Variants in RBFOX1 observed in about 807,000 individuals in gnomAD.
RBFOX1 encodes RNA binding protein fox-1 homolog 1.
RBFOX1 carries 8 observed loss-of-function variants against 57.7 expected under a neutral mutation model. The observed-to-expected ratio is 0.14, with a 90% CI of 0.08 to 0.25. The LOEUF (loss-of-function observed/expected upper bound fraction) is 0.25, where lower values mean the gene tolerates loss of function less well. Among genes scored for constraint, RBFOX1 ranks in the 10% least tolerant of loss-of-function variants. The pLI is 1.00. For missense variants in RBFOX1, 611 were observed against 548.5 expected, an observed-to-expected ratio of 1.11 and a Z score of -1.14; for synonymous variants, 326 against 222.4, an observed-to-expected ratio of 1.47 and a Z score of -4.15.
chr16:5,462,975 T>C (rs1412691184), intron 1 of RBFOX1, among the ~76,000 whole-genome samples: 4 of 152,248 alleles, frequency 2.6e-5, no homozygotes, highest in African/African-American at 9.6e-5. Flanking sequence ...TCATACTAAA[T>C]TGATACATTT....
intron 4 of RBFOX1, among the ~76,000 whole-genome samples, chr16:7,079,145 G>T (rs1036311564): frequency 2.0e-5 from 3 of 152,112 alleles, no homozygotes; most frequent in Middle Eastern, 3.4e-3. Context: ...ATTGTCTGTT[G>T]CTGTAGGATT....
intron 1 of RBFOX1, among the ~76,000 whole-genome samples, chr16:6,076,060 A>C (rs2095894873): frequency 6.6e-6 from 1 of 152,120 alleles, no homozygotes; most frequent in Non-Finnish European, 1.5e-5. Flanking sequence ...GCACTTTGGG[A>C]GGCTGAGGAG....
At chr16:6,006,730 A>C (rs778195261) in intron 4 of RBFOX1, among the ~76,000 whole-genome samples, 4 of 152,194 alleles carry the variant, frequency 2.6e-5, no homozygotes, top group Admixed American at 6.5e-5. Flanking sequence ...GGATATGTGG[A>C]GAGTGGGTTT....
intron 1 of RBFOX1, among the ~76,000 whole-genome samples, chr16:5,386,560 C>G (rs993679750): frequency 6.6e-6 from 1 of 152,172 alleles, no homozygotes; most frequent in Non-Finnish European, 1.5e-5. Flanking sequence ...AACTCACTGG[C>G]CATCTCACTG....
intron 2 of RBFOX1, among the ~76,000 whole-genome samples, chr16:6,638,908 A>G (rs1292606164): frequency 1.3e-5 from 2 of 152,288 alleles, no homozygotes; most frequent in East Asian, 3.9e-4. Context: ...ACCAGTATTC[A>G]TTTTCTACCA....
chr16:7,032,812 C>T (rs971461051), intron 3 of RBFOX1, among the ~76,000 whole-genome samples: 16 of 152,242 alleles, frequency 1.1e-4, no homozygotes, highest in Admixed American at 7.8e-4. Context: ...ACTAAAAATG[C>T]GTTTGGTGTC....
intron 2 of RBFOX1, among the ~76,000 whole-genome samples, chr16:5,506,164 T>C (rs1226398709): frequency 6.6e-6 from 1 of 152,168 alleles, no homozygotes; most frequent in Non-Finnish European, 1.5e-5. Flanking sequence ...AATGTGCCTG[T>C]CTTCACAGTG....
rs540371042 is a variant in RBFOX1 at position 5,676,222 on chromosome 16, C to A, written c.318+77261C>A. Among the ~76,000 whole-genome samples, 3 of 151,284 alleles carry A rather than the reference C, an allele frequency of 2.0e-5. No homozygotes were observed. In the South Asian group the frequency reaches 6.3e-4, roughly 32 times the overall value. The stretch of plus-strand genomic sequence containing the variant: ...TGTATACCTATGCGACAAACCTGCA[C>A]GTTCTGGTATTCCAGAACTTAAAGT... On this transcript the variant is annotated intron_variant, in intron 3 of 19. Transcript: ENST00000641259.
intron 1 of RBFOX1, among the ~76,000 whole-genome samples, chr16:6,091,526 A>G (rs941909842): frequency 2.1e-5 from 2 of 94,938 alleles, no homozygotes; most frequent in Admixed American, 1.1e-4. Flanking sequence ...CATGGTAGGT[A>G]TTCAAAAAAA....
chr16:6,117,844 T>C (rs2096513590), intron 1 of RBFOX1, among the ~76,000 whole-genome samples: 1 of 152,266 alleles, frequency 6.6e-6, no homozygotes, highest in Admixed American at 6.5e-5. Flanking sequence ...AGATTTTTTA[T>C]GTATTCTACT....
chr16:7,637,156 C>G (rs531397649), intron 11 of RBFOX1, among the ~76,000 whole-genome samples: 3 of 151,934 alleles, frequency 2.0e-5, no homozygotes, highest in Non-Finnish European at 2.9e-5. Flanking sequence ...GCGTTTTCCA[C>G]AGTTCCATGA....
At chr16:6,653,457 C>T (rs541535491) in intron 2 of RBFOX1, among the ~76,000 whole-genome samples, 2 of 152,242 alleles carry the variant, frequency 1.3e-5, no homozygotes, top group East Asian at 1.9e-4. Context: ...GTTAATGCCA[C>T]TATTGCTTGT....
At chr16:7,624,584 C>G (rs1375732338) in intron 10 of RBFOX1, among the ~76,000 whole-genome samples, 1 of 152,160 alleles carries the variant, frequency 6.6e-6, no homozygotes, top group East Asian at 1.9e-4. Context: ...CCAATAAGTA[C>G]CAGCCAAATG....
intron 3 of RBFOX1, among the ~76,000 whole-genome samples, chr16:6,780,442 T>TTATAGA (rs1471726981): frequency 1.7e-5 from 2 of 118,938 alleles, no homozygotes; most frequent in Non-Finnish European, 3.2e-5. Context: ...ATAGATATAT[T>TTATAGA]TATATATACA....
intron 4 of RBFOX1, among the ~76,000 whole-genome samples, chr16:7,381,717 AGTGGGCACACTTTCCCTTAATGGTTGGC>A (rs1191638282): frequency 1.3e-5 from 2 of 152,232 alleles, no homozygotes; most frequent in African/African-American, 4.8e-5. Flanking sequence ...AGTCAGGAAC[AGTGGGCACACTTTCCCTTAATGGTTGGC>A]GTAGGCATTT....
At position 5,244,530 on chromosome 16, in the gene RBFOX1, T is replaced by G. The variant is rs181533826; in HGVS notation, c.219+4425T>G. On this transcript the variant is annotated intron_variant, in intron 1 of 2. Transcript: ENST00000585867. ...AGGGTGTTTGGACCAACCTCTGGGT[T>G]TTTGGATTTCCATTTGAGCACAGCT... 2.1e-4 allele frequency among the ~76,000 whole-genome samples: 32 copies of G among 152,310 alleles called. 1 individual carries two copies. In the East Asian group the frequency reaches 5.6e-3, roughly 27 times the overall value.
intron 1 of RBFOX1, among the ~76,000 whole-genome samples, chr16:5,395,659 G>A (rs945305599): frequency 2.0e-5 from 3 of 152,200 alleles, no homozygotes; most frequent in Non-Finnish European, 4.4e-5. Flanking sequence ...GCATGTGGAT[G>A]GGACCTGTGA....
At chr16:5,777,704 C>A (rs1410987362) in intron 3 of RBFOX1, among the ~76,000 whole-genome samples, 1 of 152,120 alleles carries the variant, frequency 6.6e-6, no homozygotes, top group Non-Finnish European at 1.5e-5. Context: ...TGAAAAGTGA[C>A]CATCACACAG....
intron 3 of RBFOX1, among the ~76,000 whole-genome samples, chr16:5,830,006 G>A (rs1265402412): frequency 1.3e-5 from 2 of 152,092 alleles, no homozygotes; most frequent in Admixed American, 6.6e-5. Context: ...CAGTCTCTTC[G>A]TTTGCTCAAT....
Sources: allele counts gnomAD v4.1 joint callset (sites outside exome capture counted in the v4.1 genomes callset), GRCh38; gene constraint gnomAD v4.1.1; transcripts MANE v1.5; gene names NCBI Gene and HGNC (gene_info 2026-07-23, HGNC 2026-07-21).